MAP4K5: variants seen among roughly 807,000 people sequenced by gnomAD.
MAP4K5 encodes the protein mitogen-activated protein kinase kinase kinase kinase 5, also known as MAPK/ERK kinase kinase kinase 5.
MAP4K5 carries 82 observed loss-of-function variants against 135.6 expected under a neutral mutation model. The observed-to-expected ratio is 0.60, with a 90% CI of 0.51 to 0.73. The LOEUF is 0.73. Among genes scored for constraint, MAP4K5 ranks in the 30% least tolerant of loss-of-function variants. The pLI is 0.00. For synonymous variants in MAP4K5, 347 were observed against 335.0 expected, an observed-to-expected ratio of 1.04 and a Z score of -0.39; for missense variants, 907 against 1,010.9, an observed-to-expected ratio of 0.90 and a Z score of 1.39.
chr14:50,511,236 T>G (rs894156460), intron 2 of MAP4K5, among the ~76,000 whole-genome samples: 2 of 152,102 alleles, frequency 1.3e-5, no homozygotes, highest in African/African-American at 4.8e-5. Context: ...CAAAAAAGAA[T>G]GAAATGCTGC....
intron 11 of MAP4K5, among the ~76,000 whole-genome samples, chr14:50,466,216 C>T (rs2036829839): frequency 1.3e-5 from 2 of 151,474 alleles, no homozygotes; most frequent in East Asian, 1.9e-4. Flanking sequence ...GTCTCTATAA[C>T]AAACAAACAA....
upstream of MAP4K5, chr14:50,532,801 C>G (rs1045135657): frequency 6.5e-6 from 1 of 152,690 alleles, no homozygotes; most frequent in African/African-American, 2.4e-5. Context: ...CCCTCCCACT[C>G]TCAGAAATAA....
intron 5 of MAP4K5, chr14:50,482,996 G>A (rs937603907): frequency 6.6e-6 from 1 of 152,532 alleles, no homozygotes; most frequent in African/African-American, 2.4e-5. Context: ...AAGCACTCAT[G>A]TGCAAAGCAT....
At chr14:50,442,438 A>G (rs1360933639) in intron 21 of MAP4K5, among the ~76,000 whole-genome samples, 2 of 152,118 alleles carry the variant, frequency 1.3e-5, no homozygotes, top group East Asian at 1.9e-4. Context: ...ACTAATTGAG[A>G]TTATAAATTG....
At position 50,539,708 on chromosome 14, in the gene MAP4K5, A is replaced by T. The variant is rs74683842; in HGVS notation, c.-94+2791T>A. On this transcript the variant is annotated intron_variant, in intron 2 of 8. Coordinates refer to the MAP4K5 transcript ENST00000555216. ...GGGGAAGTACACAGAATGCTCTTGG[A>T]GGAGAGCTTATACAATGAAGAAGTT... 7.9e-3 allele frequency among the ~76,000 whole-genome samples: 1,201 copies of T among 152,340 alleles called. 9 individuals are homozygous for T. Among genetic ancestry groups the T allele is most frequent in the African/African-American group, 0.027 (1,121 of 41,566 alleles).
chr14:50,494,361 T>G (rs1213123465), intron 3 of MAP4K5, among the ~76,000 whole-genome samples: 1 of 151,772 alleles, frequency 6.6e-6, no homozygotes, highest in Non-Finnish European at 1.5e-5. Context: ...TAGAGACGGG[T>G]TTCACCATAT....
rs761835943 is a variant in MAP4K5, at chr14:50,447,472, A to G, written c.1084T>C (p.Ser362Pro). 24 of 1,540,088 alleles carry G rather than the reference A, an allele frequency of 1.6e-5. No individual in the cohort carries two copies. The South Asian group carries it at 2.9e-4, about 19-fold the overall frequency. ...TEARDEMGLS[S>P]DPNFMLQWNP... Reference sequence around the variant, plus strand: ...CACTGTAACATGAAATTTGGGTCTGATGACAATCCCTGTAAAGATAAAAAT... The same window carrying G: ...CACTGTAACATGAAATTTGGGTCTGGTGACAATCCCTGTAAAGATAAAAAT... Residue 362 changes from serine to proline, a missense_variant, in exon 16 of 33, where the codon TCA (serine) becomes CCA (proline). Ser to Pro is a moderately conservative substitution (Grantham distance 74, BLOSUM62 -1). This residue lies in a region of MAP4K5 where 690 missense variants were observed against 777.4 expected (regional missense o/e 0.89). Transcript: ENST00000682126.
intron 3 of MAP4K5, among the ~76,000 whole-genome samples, chr14:50,502,476 A>T (rs1298435020): frequency 6.6e-6 from 1 of 152,144 alleles, no homozygotes; most frequent in African/African-American, 2.4e-5. Flanking sequence ...CCCAATAGCG[A>T]GAAATACCAT....
At chr14:50,523,389 A>C (rs1373647269) in intron 2 of MAP4K5, among the ~76,000 whole-genome samples, 6 of 152,158 alleles carry the variant, frequency 3.9e-5, no homozygotes, top group African/African-American at 1.2e-4. Context: ...GGTGATGGCC[A>C]TGCTTGTGTC....
At chr14:50,474,894 G>A (rs997521038) in intron 9 of MAP4K5, among the ~76,000 whole-genome samples, 183 bp downstream of exon 9, 4 of 152,140 alleles carry the variant, frequency 2.6e-5, no homozygotes, top group African/African-American at 9.7e-5. Context: ...CTTCTACAGA[G>A]GGAAGGCTGA....
chr14:50,518,960 T>C (rs1281714168), intron 2 of MAP4K5, among the ~76,000 whole-genome samples: 1 of 152,054 alleles, frequency 6.6e-6, no homozygotes, highest in Non-Finnish European at 1.5e-5. Context: ...TTTAAGACAA[T>C]TTAGGAAATT....
chr14:50,508,644 A>G (rs1009450822), intron 2 of MAP4K5, among the ~76,000 whole-genome samples: 5 of 152,112 alleles, frequency 3.3e-5, no homozygotes, highest in Admixed American at 3.3e-4. Context: ...GCAGTACACC[A>G]ACATGGGACA....
chr14:50,515,160 C>A (rs1021385257), intron 2 of MAP4K5, among the ~76,000 whole-genome samples: 1 of 152,134 alleles, frequency 6.6e-6, no homozygotes, highest in Admixed American at 6.5e-5. Flanking sequence ...CCTTGGCCTC[C>A]CAAAGTGCTG....
chr14:50,464,436 T>C (rs2036785450), intron 11 of MAP4K5, among the ~76,000 whole-genome samples: 1 of 152,194 alleles, frequency 6.6e-6, no homozygotes, highest in Non-Finnish European at 1.5e-5. Flanking sequence ...AAAATGTCCT[T>C]TTCTCATTGC....
At chr14:50,482,592 C>T (rs954861376) in intron 5 of MAP4K5, 176 bp from the exon 6 acceptor site, 1 of 457,668 alleles carries the variant, frequency 2.2e-6, no homozygotes, top group Non-Finnish European at 3.9e-6. Context: ...TCCTGGCCAA[C>T]ATGGTGAAAC....
Position 50,419,749 on chromosome 14 carries a change from A to T in MAP4K5, c.*270T>A, listed in dbSNP as rs551799753. 374 of 311,314 alleles carry T rather than the reference A, an allele frequency of 1.2e-3. 1 individual carries two copies. Among genetic ancestry groups the T allele is most frequent in the Non-Finnish European group, 1.6e-3 (272 of 167,908 alleles). 19.3% of individuals were successfully genotyped at this position (311,314 alleles called of 1,614,324 possible). A position where few individuals can be genotyped will look rare whatever the true frequency, so the allele number is the denominator to read the frequency against. ...CCTTGTTACAAACATTGTTTTTTTTAAAAAAAGACTGTGTTTCCTGGAACT... is the reference window on the plus strand; with the variant it reads ...CCTTGTTACAAACATTGTTTTTTTTTAAAAAAGACTGTGTTTCCTGGAACT... On this transcript the variant is annotated 3_prime_UTR_variant, in exon 33 of 33. Transcript: ENST00000682126.
In MAP4K5 at chr14:50,447,501, G is replaced by C. The variant is rs1566647127; in HGVS notation, c.1075-20C>G. The C allele has an allele frequency of 1.4e-6, 2 of 1,385,064 alleles. No homozygotes were observed. The highest frequency in any genetic ancestry group is 3.6e-4 in the Middle Eastern group (2 of 5,504). 85.8% of individuals were successfully genotyped at this position (1,385,064 alleles called of 1,614,324 possible). On this transcript the variant is annotated intron_variant, in intron 15 of 32. Transcript: ENST00000682126. Reference sequence around the variant, plus strand: ...CAATCCCTGTAAAGATAAAAATATAGTTTAAAATGTTACTTTGTAACAGGT... The same window carrying C: ...CAATCCCTGTAAAGATAAAAATATACTTTAAAATGTTACTTTGTAACAGGT...
At chr14:50,444,278 A>C (rs1397077399) in intron 18 of MAP4K5, among the ~76,000 whole-genome samples, 1 of 152,108 alleles carries the variant, frequency 6.6e-6, no homozygotes, top group East Asian at 1.9e-4. Context: ...AATCTGACCT[A>C]CTGACTCTGA....
intron 1 of MAP4K5, among the ~76,000 whole-genome samples, chr14:50,546,365 G>A (rs1050487865): frequency 6.0e-5 from 9 of 150,756 alleles, no homozygotes; most frequent in Non-Finnish European, 8.9e-5. Context: ...AAAGGTACTG[G>A]GTGTGTGTGT....
Sources: gnomAD v4.1 joint callset for allele counts (sites outside exome capture counted in the v4.1 genomes callset) on GRCh38, gnomAD v4.1.1 for gene constraint, gnomAD v4.1.1 regional missense constraint, MANE v1.5 for transcripts, NCBI Gene and HGNC (gene_info 2026-07-23, HGNC 2026-07-21) for gene names.